Variants in MBD5 observed in about 807,000 individuals in gnomAD.
MBD5 encodes the protein methyl-CpG binding domain protein 5.
In MBD5, 13 loss-of-function variants were observed where a neutral mutation model predicts 117.3. That is an observed-to-expected ratio of 0.11 (90% CI 0.07 to 0.18). MBD5 has a LOEUF of 0.18. Among genes scored for constraint, MBD5 ranks in the 10% least tolerant of loss-of-function variants. The probability of loss-of-function intolerance (pLI) is 1.00; values close to 1 mark genes in which losing one functional copy is unlikely to be tolerated. For missense variants in MBD5, 1,879 were observed against 2,093.8 expected, an observed-to-expected ratio of 0.90 and a Z score of 2.00; for synonymous variants, 727 against 766.4, an observed-to-expected ratio of 0.95 and a Z score of 0.85.
rs542849224 is a variant in MBD5, at chr2:148,473,612, A to G, written c.2518+3151A>G. ...TTAGTTCCATTGGTAATCTATTTTT[A>G]AATCTTCTTTTAAGGAGAGTCTTCC... On this transcript the variant is annotated intron_variant, in intron 8 of 13. Coordinates refer to ENST00000642680, the MANE Select transcript of MBD5 (RefSeq NM_001378120.1). Among the ~76,000 whole-genome samples the G allele has an allele frequency of 4.5e-4, 68 of 152,292 alleles. 4 individuals carry two copies. In the South Asian group the frequency reaches 0.014, roughly 32 times the overall value.
chr2:148,081,472 A>G (rs1695646330), intron 1 of MBD5, among the ~76,000 whole-genome samples: 1 of 152,174 alleles, frequency 6.6e-6, no homozygotes, highest in African/African-American at 2.4e-5. Context: ...ACAATACTAG[A>G]GAAATATTAA....
intron 4 of MBD5, among the ~76,000 whole-genome samples, chr2:148,432,657 G>A (rs974700390): frequency 2.6e-5 from 4 of 152,098 alleles, no homozygotes; most frequent in African/African-American, 9.7e-5. Context: ...TGTCAACTTT[G>A]TTGGAGATCA....
At chr2:148,200,599 G>A (rs1328628329) in intron 2 of MBD5, among the ~76,000 whole-genome samples, 2 of 151,790 alleles carry the variant, frequency 1.3e-5, no homozygotes, top group Admixed American at 6.6e-5. Context: ...AGGCTGAGAC[G>A]GGAGAATGGC....
At chr2:148,198,320 A>G (rs778717677) in intron 2 of MBD5, among the ~76,000 whole-genome samples, 12 of 152,214 alleles carry the variant, frequency 7.9e-5, no homozygotes, top group African/African-American at 2.9e-4. Flanking sequence ...AATGGTCCCA[A>G]GACAACTCTA....
intron 2 of MBD5, among the ~76,000 whole-genome samples, chr2:148,227,157 C>CT (rs1313390213): frequency 6.6e-6 from 1 of 152,082 alleles, no homozygotes; most frequent in African/African-American, 2.4e-5. Context: ...GTTGCCATTG[C>CT]TTTTGGTGTT....
intron 1 of MBD5, among the ~76,000 whole-genome samples, chr2:148,154,557 C>T (rs551401812): frequency 6.6e-6 from 1 of 152,332 alleles, no homozygotes; most frequent in South Asian, 2.1e-4. Context: ...AATTTGATCT[C>T]AGGCTGCTGT....
intron 1 of MBD5, among the ~76,000 whole-genome samples, chr2:148,076,333 A>T: frequency 6.6e-6 from 1 of 152,200 alleles, no homozygotes; most frequent in East Asian, 1.9e-4. Flanking sequence ...GATGGGCTAT[A>T]TTATGAAGTA....
At chr2:148,062,709 T>G (rs1006165046) in intron 1 of MBD5, 1 of 152,078 alleles carries the variant, frequency 6.6e-6, no homozygotes, top group Non-Finnish European at 1.5e-5. Flanking sequence ...ACCATGGTGG[T>G]ATGATTCTTT....
At position 148,463,933 on chromosome 2, in the gene MBD5, T is replaced by G. The variant is rs376866744; in HGVS notation, c.397+14T>G. ...GAGGAGGAACAAGTATGTAATATGG[T>G]GAAAGGTTCAGGAATTCTCCTCTCC... is the stretch of plus-strand genomic sequence containing the variant. On this transcript the variant is annotated intron_variant, in intron 7 of 13. Coordinates refer to ENST00000642680, the MANE Select transcript of MBD5 (RefSeq NM_001378120.1). 10 of 1,612,574 alleles carry G rather than the reference T, an allele frequency of 6.2e-6. 1 individual carries two copies. The African/African-American group carries it at 9.3e-5, about 15-fold the overall frequency.
chr2:148,113,078 G>A (rs973856321), intron 1 of MBD5, among the ~76,000 whole-genome samples: 12 of 152,134 alleles, frequency 7.9e-5, no homozygotes, highest in South Asian at 4.1e-4. Flanking sequence ...CTACTTTAGC[G>A]TACAGTGAGT....
chr2:148,203,418 G>A (rs1699192600), intron 2 of MBD5, among the ~76,000 whole-genome samples: 1 of 152,138 alleles, frequency 6.6e-6, no homozygotes, highest in African/African-American at 2.4e-5. Flanking sequence ...GCACTCTGAT[G>A]ACATTTTTCT....
chr2:148,166,873 A>G (rs1416342109), intron 1 of MBD5, among the ~76,000 whole-genome samples: 61 of 151,996 alleles, frequency 4.0e-4, no homozygotes, highest in Non-Finnish European at 1.8e-4. Flanking sequence ...TGTAACTACT[A>G]ATTGCATTTT....
chr2:148,245,560 G>A (rs1700317988), intron 3 of MBD5, among the ~76,000 whole-genome samples: 2 of 152,032 alleles, frequency 1.3e-5, no homozygotes, highest in Non-Finnish European at 2.9e-5. Flanking sequence ...TTATGCCACT[G>A]CATTCCATCC....
At chr2:148,424,577 A>G (rs1249053287) in intron 4 of MBD5, among the ~76,000 whole-genome samples, 6 of 152,164 alleles carry the variant, frequency 3.9e-5, no homozygotes, top group Non-Finnish European at 8.8e-5. Context: ...TCAACAAAAT[A>G]TACATTCTTC....
intron 1 of MBD5, among the ~76,000 whole-genome samples, chr2:148,135,014 G>A (rs1697139781): frequency 6.6e-6 from 1 of 152,102 alleles, no homozygotes; most frequent in South Asian, 2.1e-4. Context: ...TAACTTACTT[G>A]GTGGGGCATA....
chr2:148,176,314 T>G (rs1161067895), intron 1 of MBD5, among the ~76,000 whole-genome samples: 1 of 151,292 alleles, frequency 6.6e-6, no homozygotes, highest in Non-Finnish European at 1.5e-5. Flanking sequence ...GTTTTTTTTT[T>G]TTTTTTTTCA....
intron 1 of MBD5, among the ~76,000 whole-genome samples, chr2:148,145,142 TC>T (rs907248506): frequency 2.4e-5 from 3 of 123,682 alleles, no homozygotes; most frequent in Admixed American, 8.5e-5. Flanking sequence ...TGTTTGTAGT[TC>T]TCCTTGAAGA....
rs115554300 is a variant in MBD5, at chr2:148,338,436, C to A, written c.-679-3778C>A. ...CATTTATTGGCCACCTATGAAATGGCAGGCATGGTGTCAGGTTCTAGGTAT... is the reference window on the plus strand; with the variant it reads ...CATTTATTGGCCACCTATGAAATGGAAGGCATGGTGTCAGGTTCTAGGTAT... On this transcript the variant is annotated intron_variant, in intron 3 of 13. Coordinates refer to ENST00000642680, the MANE Select transcript of MBD5 (RefSeq NM_001378120.1). Among the ~76,000 whole-genome samples the A allele has an allele frequency of 7.4e-3, 1,125 of 152,120 alleles. 8 individuals carry two copies. Among genetic ancestry groups the A allele is most frequent in the Middle Eastern group, 0.017 (5 of 294 alleles).
At chr2:148,383,060 G>A (rs1421377471) in intron 4 of MBD5, among the ~76,000 whole-genome samples, 1 of 151,748 alleles carries the variant, frequency 6.6e-6, no homozygotes, top group Admixed American at 6.6e-5. Context: ...AGAAGCAAGA[G>A]CAAACACATT....
Sources: gnomAD v4.1 joint callset for allele counts (sites outside exome capture counted in the v4.1 genomes callset) on GRCh38, gnomAD v4.1.1 for gene constraint, MANE v1.5 for transcripts, NCBI Gene and HGNC (gene_info 2026-07-23, HGNC 2026-07-21) for gene names.